ATP6V0A2: variants seen among roughly 807,000 people sequenced by gnomAD.
ATP6V0A2 encodes V-type proton ATPase 116 kDa subunit a 2.
Under a neutral mutation model 104.4 loss-of-function variants are expected in ATP6V0A2, and 58 were observed. The ratio of observed to expected loss-of-function variants is 0.56; its 90% CI spans 0.45 to 0.69. The LOEUF (loss-of-function observed/expected upper bound fraction) is 0.69, where lower values mean the gene tolerates loss of function less well. Among genes scored for constraint, ATP6V0A2 ranks in the 30% least tolerant of loss-of-function variants. The probability of loss-of-function intolerance (pLI) is 0.00; values close to 1 mark genes in which losing one functional copy is unlikely to be tolerated. For missense variants in ATP6V0A2, 938 were observed against 1,062.9 expected (o/e 0.88, Z 1.63); for synonymous variants, 376 against 397.9 (o/e 0.95, Z 0.65).
chr12:123,735,525 T>G lies in ATP6V0A2; in HGVS notation c.732-6T>G, dbSNP rs760846387. On this transcript the variant is annotated splice_polypyrimidine_tract_variant and splice_region_variant and intron_variant, in intron 7 of 19. Coordinates refer to ENST00000330342, the MANE Select transcript of ATP6V0A2 (RefSeq NM_012463.4). ...TGTGAGACTGTGTTCAACTCTTGTC[T>G]TCCAGCTACCACTGCCACGTGTACC... 62 of 1,613,414 alleles carry G rather than the reference T, an allele frequency of 3.8e-5. No individual in the cohort carries two copies. Among genetic ancestry groups the G allele is most frequent in the Non-Finnish European group, 5.2e-5 (61 of 1,179,462 alleles).
intron 17 of ATP6V0A2, 35 bp from the exon 18 acceptor site, chr12:123,754,385 A>C: frequency 1.4e-6 from 2 of 1,480,008 alleles, no homozygotes; most frequent in Non-Finnish European, 1.9e-6. Context: ...ATGTAACATC[A>C]TGACTCTTAA....
At chr12:123,736,144 A>G (rs1956551065) in intron 8 of ATP6V0A2, among the ~76,000 whole-genome samples, 1 of 146,558 alleles carries the variant, frequency 6.8e-6, no homozygotes, top group South Asian at 2.2e-4. Flanking sequence ...AAGTGCTGGG[A>G]TTACAGGTGT....
chr12:123,721,961 G>A lies in ATP6V0A2; in HGVS notation c.197-390G>A, dbSNP rs191298498. 1.6e-3 allele frequency among the ~76,000 whole-genome samples: 245 copies of A among 152,268 alleles called. 1 individual carries two copies. Among genetic ancestry groups the A allele is most frequent in the African/African-American group, 5.3e-3 (220 of 41,552 alleles). On this transcript the variant is annotated intron_variant, in intron 2 of 19. Coordinates refer to ENST00000330342, the MANE Select transcript of ATP6V0A2 (RefSeq NM_012463.4). ...GGGTAATTCCTGCACTTCCAAGTGC[G>A]CCCCTAACCTCTGCTTCATTCTGCC...
At chr12:123,753,959 T>A (rs1290528442) in intron 17 of ATP6V0A2, 1 of 179,146 alleles carries the variant, frequency 5.6e-6, no homozygotes, top group Non-Finnish European at 1.2e-5. Context: ...CCTTTCCCTG[T>A]CAGGGGCCCC....
chr12:123,752,533 A>G (rs1488664250), intron 17 of ATP6V0A2, 131 bp downstream of exon 17: 1 of 1,107,924 alleles, frequency 9.0e-7, no homozygotes, highest in Non-Finnish European at 1.3e-6. Context: ...CTCCACAACT[A>G]TGAGAAACCA....
intron 7 of ATP6V0A2, 75 bp downstream of exon 7, chr12:123,734,083 T>C: frequency 8.4e-7 from 1 of 1,193,590 alleles, no homozygotes; most frequent in Non-Finnish European, 1.2e-6. Flanking sequence ...AACATCCCTC[T>C]GGAGTCAGAA....
chr12:123,755,556 A>G (rs1417208935), intron 18 of ATP6V0A2, among the ~76,000 whole-genome samples: 1 of 151,418 alleles, frequency 6.6e-6, no homozygotes, highest in Non-Finnish European at 1.5e-5. Context: ...AAAAGCTAAA[A>G]AAAAAAAAAA....
rs1682251474 is a variant in ATP6V0A2 at position 123,759,458 on chromosome 12, T to C, written c.*1426T>C. 6.6e-6 allele frequency: 1 copy of C among 152,262 alleles called. No homozygotes were observed. The highest frequency in any genetic ancestry group is 6.5e-5 in the Admixed American group (1 of 15,286). 9.4% of individuals were successfully genotyped at this position (152,262 alleles called of 1,614,324 possible). A position where few individuals can be genotyped will look rare whatever the true frequency, so the allele number is the denominator to read the frequency against. On this transcript the variant is annotated 3_prime_UTR_variant, in exon 20 of 20. Coordinates refer to ENST00000330342, the MANE Select transcript of ATP6V0A2 (RefSeq NM_012463.4). The stretch of plus-strand genomic sequence containing the variant: ...AGTTTAAATTCATCTGTTTGACATT[T>C]GGTTTTTTGTGAACTTGAGTCAGTC...
chr12:123,750,900 C>G (rs1488083689), intron 15 of ATP6V0A2: 1 of 612,062 alleles, frequency 1.6e-6, no homozygotes. Context: ...TAATACTTTA[C>G]CACAGGGTCA....
At chr12:123,733,574 G>T (rs1278793064) in intron 6 of ATP6V0A2, 1 of 319,230 alleles carries the variant, frequency 3.1e-6, no homozygotes, top group East Asian at 7.7e-5. Flanking sequence ...ACCAAAAAAA[G>T]CACAGAAGTG....
chr12:123,754,592 A>G, intron 18 of ATP6V0A2, 55 bp downstream of exon 18: 4 of 1,237,982 alleles, frequency 3.2e-6, no homozygotes, highest in Non-Finnish European at 3.6e-6. Context: ...CAGCAGACTC[A>G]GGGGGCACTG....
chr12:123,751,264 G>A, intron 16 of ATP6V0A2, 35 bp downstream of exon 16: 1 of 1,614,026 alleles, frequency 6.2e-7, no homozygotes, highest in East Asian at 2.2e-5. Context: ...ACAACTGTGA[G>A]CAAAGCTTGC....
Position 123,726,673 on chromosome 12 carries a change from T to A in ATP6V0A2, c.521+388T>A, listed in dbSNP as rs540063915. ...TTAAAGATCTCCTGCTGCTGTTTAT[T>A]CTTGCTGCCTACTGAAACTAGTGGT... On this transcript the variant is annotated intron_variant, in intron 5 of 19. Transcript: ENST00000330342. 3.3e-5 allele frequency among the ~76,000 whole-genome samples: 5 copies of A among 152,368 alleles called. No individual in the cohort carries two copies. In the East Asian group the frequency reaches 5.8e-4, roughly 18 times the overall value.
Position 123,744,358 on chromosome 12 carries a change from G to C in ATP6V0A2, c.1326+21G>C. 6.2e-7 allele frequency: 1 copy of C among 1,614,122 alleles called. No homozygotes were observed. Among genetic ancestry groups the C allele is most frequent in the South Asian group, 1.1e-5 (1 of 91,076 alleles). On this transcript the variant is annotated intron_variant, in intron 11 of 19. Coordinates refer to ENST00000330342, the MANE Select transcript of ATP6V0A2 (RefSeq NM_012463.4). The surrounding 1 kb of genome is among the most constrained non-coding windows in gnomAD (Gnocchi z 5.4). The stretch of plus-strand genomic sequence containing the variant: ...AAGAGGTAAAAATATAAACACTCCA[G>C]CTCATATATCTGGTTAGGTGGCATT...
chr12:123,744,219 C>G lies in ATP6V0A2; in HGVS notation c.1208C>G (p.Thr403Ser). 1 of 1,614,188 alleles carries G rather than the reference C, an allele frequency of 6.2e-7. No homozygotes were observed. The highest frequency in any genetic ancestry group is 8.5e-7 in the Non-Finnish European group (1 of 1,180,038). ...TCTGCAGCTCTCTTTACCATCATCA[C>G]CTTCCCGTTTTTATTTGCTGTGATG... ...EVNPALFTII[T>S]FPFLFAVMFG... The change falls in exon 11 of 20, where the codon ACC becomes AGC. Residue 403 changes from threonine (T) to serine (S), a missense_variant. By Grantham distance (58) the Thr-to-Ser change is moderately conservative. Coordinates refer to ENST00000330342, the MANE Select transcript of ATP6V0A2 (RefSeq NM_012463.4). The surrounding 1 kb of genome is among the most constrained non-coding windows in gnomAD (Gnocchi z 5.4).
chr12:123,718,786 A>T lies in ATP6V0A2; in HGVS notation c.196+85A>T, dbSNP rs553344262. On this transcript the variant is annotated intron_variant, in intron 2 of 19. Coordinates refer to ENST00000330342, the MANE Select transcript of ATP6V0A2 (RefSeq NM_012463.4). ...TCGGTTTAAAAATATTGGAAAATAT[A>T]GACAAGCAGAAAGGAAAAAAAGAAA... 13 of 945,240 alleles carry T rather than the reference A, an allele frequency of 1.4e-5. No homozygotes were observed. The South Asian group carries it at 1.9e-4, about 14-fold the overall frequency. 58.6% of individuals were successfully genotyped at this position (945,240 alleles called of 1,614,324 possible). A position where few individuals can be genotyped will look rare whatever the true frequency, so the allele number is the denominator to read the frequency against.
Position 123,733,954 on chromosome 12 carries a change from TA to T in ATP6V0A2, c.679del (p.Ile227TyrfsTer40). 6.2e-7 allele frequency: 1 copy of T among 1,613,520 alleles called. No homozygotes were observed. ...GAAGTCATAAAATGGTATGTCTTTT[TA>T]ATATCCTTTTGGGGAGAGCAGATTG... ...TGEVIKWYVF[L>X]ISFWGEQIGH... is the part of the protein sequence containing the mutation. On this transcript the variant is annotated frameshift_variant, in exon 7 of 20. Transcript: ENST00000330342. LOFTEE classifies it high-confidence loss of function.
chr12:123,756,547 A>G, intron 18 of ATP6V0A2: 2 of 471,012 alleles, frequency 4.2e-6, no homozygotes, highest in Non-Finnish European at 3.8e-6. Context: ...TTGGGAGGTC[A>G]CAACCCAAAC....
chr12:123,756,015 A>G (rs1434382676), intron 18 of ATP6V0A2, among the ~76,000 whole-genome samples: 3 of 148,298 alleles, frequency 2.0e-5, no homozygotes, highest in African/African-American at 7.5e-5. Context: ...CGGGAGACAG[A>G]GCTTGCAGTG....
Sources: gnomAD v4.1 joint callset for allele counts (sites outside exome capture counted in the v4.1 genomes callset) on GRCh38, gnomAD v4.1.1 for gene constraint, Gnocchi (gnomAD v3.1) non-coding constraint, MANE v1.5 for transcripts, NCBI Gene and HGNC (gene_info 2026-07-23, HGNC 2026-07-21) for gene names.